The following KATNIP variants were observed in gnomAD, a reference collection of about 807,000 sequenced individuals.
KATNIP encodes katanin interacting protein.
A neutral mutation model predicts 174.0 loss-of-function variants in KATNIP; 126 were observed. The observed-to-expected ratio is 0.72, with a 90% CI of 0.63 to 0.84. The LOEUF (loss-of-function observed/expected upper bound fraction) is 0.84. Ranked by LOEUF, KATNIP falls within the 40% of genes least tolerant of loss-of-function variation. KATNIP has a pLI of 0.00. For synonymous variants in KATNIP, 810 were observed against 835.7 expected (o/e 0.97, Z 0.53); for missense variants, 1,958 against 2,109.7 (o/e 0.93, Z 1.41).
chr16:27,628,256 A>G (rs903879407), intron 3 of KATNIP, among the ~76,000 whole-genome samples: 3 of 152,372 alleles, frequency 2.0e-5, no homozygotes, highest in Admixed American at 2.0e-4. Flanking sequence ...CCTTTTTGTT[A>G]CACATCAAAC....
At chr16:27,632,993 G>A (rs897497422) in intron 5 of KATNIP, among the ~76,000 whole-genome samples, 105 of 152,008 alleles carry the variant, frequency 6.9e-4, no homozygotes, top group African/African-American at 2.3e-3. Context: ...CAGGTGATCC[G>A]CCCGCCTCAA....
Position 27,708,789 on chromosome 16 carries a change from TG to T in KATNIP, c.1477del (p.Val493TrpfsTer11). The T allele has an allele frequency of 6.2e-7, 1 of 1,613,788 alleles. No individual in the cohort carries two copies. The highest frequency in any genetic ancestry group is 8.5e-7 in the Non-Finnish European group (1 of 1,179,974). On this transcript the variant is annotated frameshift_variant, in exon 13 of 28. Transcript: ENST00000261588. LOFTEE classifies it high-confidence loss of function. ...EILSNWGNSW[W>X]VGLTEVEFFD... Reference sequence around the variant, plus strand: ...CCTGTCCAACTGGGGCAACTCGTGGTGGGTGGGTCTCACAGAAGTCGAGTTC... The same window carrying T: ...CCTGTCCAACTGGGGCAACTCGTGGTGGTGGGTCTCACAGAAGTCGAGTTC...
At chr16:27,660,143 C>A in intron 6 of KATNIP, 1 of 240,796 alleles carries the variant, frequency 4.2e-6, no homozygotes, top group Non-Finnish European at 6.7e-6. Flanking sequence ...TCCTCTGGGG[C>A]CCCCATTTCC....
At chr16:27,710,811 GTTATTA>G (rs1488641735) in intron 13 of KATNIP, among the ~76,000 whole-genome samples, 1 of 152,092 alleles carries the variant, frequency 6.6e-6, no homozygotes, top group African/African-American at 2.4e-5. Flanking sequence ...TGCTGTTATT[GTTATTA>G]TTATTAATAG....
chr16:27,624,062 G>A lies in KATNIP; in HGVS notation c.141-4599G>A, dbSNP rs116005338. Among the ~76,000 whole-genome samples the A allele has an allele frequency of 9.8e-3, 1,496 of 152,308 alleles. 24 individuals carry two copies. The highest frequency in any genetic ancestry group is 0.035 in the African/African-American group (1,439 of 41,556). The stretch of plus-strand genomic sequence containing the variant: ...GGACAAAAGGATAGACTGGGTTAAA[G>A]CTCTGGCTCAGACAAAGGTCCAGGT... On this transcript the variant is annotated intron_variant, in intron 3 of 27. Transcript: ENST00000261588.
intron 20 of KATNIP, among the ~76,000 whole-genome samples, chr16:27,767,862 C>T (rs1567423727): frequency 2.0e-5 from 3 of 152,174 alleles, no homozygotes; most frequent in Non-Finnish European, 1.5e-5. Flanking sequence ...TCTCTATGAA[C>T]GCTCCCCTGG....
chr16:27,744,737 G>A (rs2081225038), intron 15 of KATNIP, among the ~76,000 whole-genome samples: 1 of 151,884 alleles, frequency 6.6e-6, no homozygotes, highest in African/African-American at 2.4e-5. Flanking sequence ...ACAAAAATTA[G>A]CCAGGTATGT....
chr16:27,640,002 G>A (rs1353198166), intron 5 of KATNIP, among the ~76,000 whole-genome samples: 1 of 152,198 alleles, frequency 6.6e-6, no homozygotes, highest in Non-Finnish European at 1.5e-5. Context: ...ATATGGGGCA[G>A]CCCCCAGCCT....
At chr16:27,621,349 T>A (rs531678797) in intron 3 of KATNIP, among the ~76,000 whole-genome samples, 9 of 152,256 alleles carry the variant, frequency 5.9e-5, no homozygotes, top group Admixed American at 5.9e-4. Flanking sequence ...AGTGTTTAGA[T>A]TATGTAATCA....
chr16:27,713,305 AATAT>A (rs1264264194), intron 13 of KATNIP, among the ~76,000 whole-genome samples: 1 of 152,108 alleles, frequency 6.6e-6, no homozygotes, highest in Non-Finnish European at 1.5e-5. Flanking sequence ...TAAAAAGTAA[AATAT>A]ATATGTATGT....
At chr16:27,609,020 C>A (rs1252539571) in intron 2 of KATNIP, among the ~76,000 whole-genome samples, 1 of 152,142 alleles carries the variant, frequency 6.6e-6, no homozygotes, top group African/African-American at 2.4e-5. Context: ...TCTTCACACC[C>A]CCAAACCTTT....
At chr16:27,636,772 C>T (rs763422963) in intron 5 of KATNIP, among the ~76,000 whole-genome samples, 1 of 152,178 alleles carries the variant, frequency 6.6e-6, no homozygotes, top group Non-Finnish European at 1.5e-5. Flanking sequence ...GAGCTGTGTG[C>T]TCTGGAGCTG....
At chr16:27,718,482 G>A (rs1334228801) in intron 13 of KATNIP, 1 of 152,254 alleles carries the variant, frequency 6.6e-6, no homozygotes, top group Non-Finnish European at 1.5e-5. Context: ...AACATCAGAA[G>A]GCTGGGTTGC....
intron 5 of KATNIP, among the ~76,000 whole-genome samples, chr16:27,646,620 A>G (rs2142315273): frequency 6.6e-6 from 1 of 152,290 alleles, no homozygotes; most frequent in South Asian, 2.1e-4. Flanking sequence ...TGTTTGGCCT[A>G]ATTATCAGGT....
intron 8 of KATNIP, among the ~76,000 whole-genome samples, chr16:27,697,390 C>G (rs1373192449): frequency 3.3e-5 from 5 of 152,002 alleles, no homozygotes; most frequent in Admixed American, 3.3e-4. Context: ...TTTTGATTTG[C>G]TTTTCTCTAA....
At chr16:27,572,331 C>A (rs904170728) in intron 1 of KATNIP, among the ~76,000 whole-genome samples, 1 of 148,794 alleles carries the variant, frequency 6.7e-6, no homozygotes, top group African/African-American at 2.5e-5. Context: ...ATCCTTAAAT[C>A]CTAGGTTCTT....
chr16:27,648,061 G>A (rs990086881), intron 5 of KATNIP, among the ~76,000 whole-genome samples: 1 of 152,088 alleles, frequency 6.6e-6, no homozygotes, highest in African/African-American at 2.4e-5. Flanking sequence ...TGGGGAGGAC[G>A]AGGTGGGTGA....
rs1300918754 is a variant in KATNIP, at chr16:27,703,896, A to T, written c.1287A>T (p.Arg429Ser). Residue 429 changes from arginine (R) to serine (S), a missense_variant and splice_region_variant, in exon 12 of 28, where the codon AGA (arginine) becomes AGT (serine). Around this residue, in one of 3 missense-constraint regions of KATNIP, gnomAD observed 1,557 missense variants for 1,617.8 expected, o/e 0.96. Transcript: ENST00000261588. The stretch of plus-strand genomic sequence containing the variant: ...TTGCTAAAACCAAATCCCATTTCAG[A>T]CAACAGCAGAAGCTTCTGAAAGTCC... Reference protein sequence around the residue: ...AMDRIGLLGSRQQQKLLKVLQ... With the variant: ...AMDRIGLLGSSQQQKLLKVLQ... 1 of 1,613,678 alleles carries T rather than the reference A, an allele frequency of 6.2e-7. No individual in the cohort carries two copies. The highest frequency in any genetic ancestry group is 1.3e-5 in the African/African-American group (1 of 75,042).
chr16:27,592,645 T>C (rs540059806), intron 2 of KATNIP, among the ~76,000 whole-genome samples: 1 of 152,112 alleles, frequency 6.6e-6, no homozygotes, highest in East Asian at 1.9e-4. Context: ...CAACCAGATG[T>C]GGACACAGGA....
Sources: gnomAD v4.1 joint callset for allele counts (sites outside exome capture counted in the v4.1 genomes callset) on GRCh38, gnomAD v4.1.1 for gene constraint, gnomAD v4.1.1 regional missense constraint, MANE v1.5 for transcripts, NCBI Gene and HGNC (gene_info 2026-07-23, HGNC 2026-07-21) for gene names.